Variants in MARCHF1 observed in about 807,000 individuals in gnomAD.
The protein encoded by MARCHF1 is membrane associated ring-CH-type finger 1, also known as E3 ubiquitin-protein ligase MARCHF1.
Under a neutral mutation model 54.2 loss-of-function variants are expected in MARCHF1, and 40 were observed. The observed-to-expected ratio is 0.74, with a 90% CI of 0.57 to 0.96. MARCHF1 has a LOEUF of 0.96. MARCHF1 is among the 40% of genes least tolerant of loss of function. The pLI is 0.00. For synonymous variants in MARCHF1, 236 were observed against 236.3 expected (o/e 1.00, Z 0.01); for missense variants, 586 against 656.5 (o/e 0.89, Z 1.17).
At chr4:163,636,937 C>T (rs1195817566) in intron 5 of MARCHF1, among the ~76,000 whole-genome samples, 27 of 152,216 alleles carry the variant, frequency 1.8e-4, no homozygotes, top group Admixed American at 9.2e-4. Context: ...TCAGAAATAA[C>T]GCTGCATATC....
intron 4 of MARCHF1, among the ~76,000 whole-genome samples, chr4:163,818,395 A>T (rs184570208): frequency 6.6e-6 from 1 of 152,024 alleles, no homozygotes; most frequent in Non-Finnish European, 1.5e-5. Flanking sequence ...CATTAATAAG[A>T]TTCTGTGCCT....
chr4:163,545,662 C>A lies in MARCHF1; in HGVS notation c.1273G>T (p.Val425Leu). 6.2e-7 allele frequency: 1 copy of A among 1,614,110 alleles called. No individual in the cohort carries two copies. Among genetic ancestry groups the A allele is most frequent in the Non-Finnish European group, 8.5e-7 (1 of 1,179,972 alleles). ...ATCAATACATACAAAGACCAAACCA[C>A]ACAGGTGATCGCGATTACGTGGAAT... ...VTFHVIAITC[V>L]VWSLYVLIDR... Residue 425 changes from valine to leucine, a missense_variant, in exon 9 of 10, where the codon GTG (valine) becomes TTG (leucine). Val to Leu is a conservative substitution (Grantham distance 32). Transcript: ENST00000514618.
rs140427424 is a variant in MARCHF1 at position 164,201,697 on chromosome 4, G to A, written c.-322-90035C>T. On this transcript the variant is annotated intron_variant, in intron 1 of 9. Transcript: ENST00000514618. ...AAAGAGATAATTAAGAATAACATAC[G>A]GGTACTTGGTTTGAGCAGCTAGAGG... Among the ~76,000 whole-genome samples the A allele has an allele frequency of 8.5e-5, 13 of 152,228 alleles. No homozygotes were observed. The East Asian group carries it at 9.7e-4, about 11-fold the overall frequency.
chr4:163,622,569 A>G (rs529141453), intron 5 of MARCHF1, among the ~76,000 whole-genome samples: 1 of 152,224 alleles, frequency 6.6e-6, no homozygotes, highest in African/African-American at 2.4e-5. Context: ...TTACCACACT[A>G]CCCACTGAGG....
chr4:163,875,251 A>T (rs1348836781), intron 3 of MARCHF1, among the ~76,000 whole-genome samples: 1 of 152,040 alleles, frequency 6.6e-6, no homozygotes, highest in East Asian at 1.9e-4. Context: ...TCTTCCCTTA[A>T]GTGTGTTCAG....
At chr4:163,827,071 C>A (rs1748872788) in intron 4 of MARCHF1, among the ~76,000 whole-genome samples, 1 of 119,770 alleles carries the variant, frequency 8.3e-6, no homozygotes, top group Non-Finnish European at 1.8e-5. Context: ...CATATACCAG[C>A]AGTTTCCTTT....
Position 163,670,711 on chromosome 4 carries a change from T to C in MARCHF1, c.162+30102A>G, listed in dbSNP as rs1459650074. Among the ~76,000 whole-genome samples, 3 of 152,206 alleles carry C rather than the reference T, an allele frequency of 2.0e-5. No homozygotes were observed. In the East Asian group the frequency reaches 5.8e-4, roughly 29 times the overall value. On this transcript the variant is annotated intron_variant, in intron 5 of 9. Coordinates refer to ENST00000514618, the MANE Select transcript of MARCHF1 (RefSeq NM_001394959.1). ...GGATATGGAATCATTTTCTAAAAGA[T>C]TATTCACTAATTCAATGTATATTTA... is the stretch of plus-strand genomic sequence containing the variant.
At position 163,860,126 on chromosome 4, in the gene MARCHF1, C is replaced by A. The variant is rs116630451; in HGVS notation, c.-38-5957G>T. ...TGAAGTTGCAGAACAAACCACTACC[C>A]CAAAAATATGGAGAGAGGAAAATAT... On this transcript the variant is annotated intron_variant, in intron 3 of 9. Coordinates refer to ENST00000514618, the MANE Select transcript of MARCHF1 (RefSeq NM_001394959.1). 8.3e-3 allele frequency among the ~76,000 whole-genome samples: 1,265 copies of A among 152,082 alleles called. 10 individuals are homozygous for A. The highest frequency in any genetic ancestry group is 0.019 in the East Asian group (98 of 5,176).
chr4:164,336,831 C>T (rs1729754482), intron 1 of MARCHF1, among the ~76,000 whole-genome samples: 1 of 152,142 alleles, frequency 6.6e-6, no homozygotes, highest in Non-Finnish European at 1.5e-5. Flanking sequence ...CCTTTCTCTC[C>T]TACAAGTTAG....
intron 1 of MARCHF1, among the ~76,000 whole-genome samples, chr4:164,117,716 G>A (rs1291478729): frequency 6.6e-6 from 1 of 151,884 alleles, no homozygotes; most frequent in African/African-American, 2.4e-5. Flanking sequence ...CCTGGCCAAT[G>A]TGGAGAAACT....
At chr4:164,093,432 G>T (rs1184323362) in intron 2 of MARCHF1, among the ~76,000 whole-genome samples, 4 of 152,082 alleles carry the variant, frequency 2.6e-5, no homozygotes, top group Admixed American at 2.0e-4. Context: ...TGGACAGAAG[G>T]TTGCAAATAG....
intron 1 of MARCHF1, among the ~76,000 whole-genome samples, chr4:164,304,995 A>T (rs1579705336): frequency 6.6e-6 from 1 of 152,320 alleles, no homozygotes; most frequent in East Asian, 1.9e-4. Flanking sequence ...TAAATTCATG[A>T]GCAAGGCATA....
intron 1 of MARCHF1, among the ~76,000 whole-genome samples, chr4:164,205,428 T>G (rs886232440): frequency 2.0e-5 from 3 of 152,176 alleles, no homozygotes; most frequent in African/African-American, 7.2e-5. Flanking sequence ...GCTTGAACTC[T>G]GGAAACTCCA....
intron 5 of MARCHF1, among the ~76,000 whole-genome samples, chr4:163,634,359 G>A (rs1036299145): frequency 1.1e-4 from 17 of 150,208 alleles, no homozygotes; most frequent in Admixed American, 5.3e-4. Context: ...CCCATCTCAT[G>A]TGCAGAGACA....
intron 4 of MARCHF1, among the ~76,000 whole-genome samples, chr4:163,831,472 TC>T (rs137897130): frequency 0.029 from 4,399 of 152,210 alleles, 76 homozygotes; most frequent in East Asian, 0.073. Context: ...GTGCCTGTAG[TC>T]CCAGCTCCTC....
chr4:164,199,503 T>A (rs1348315964), intron 1 of MARCHF1, among the ~76,000 whole-genome samples: 1 of 151,852 alleles, frequency 6.6e-6, no homozygotes, highest in Non-Finnish European at 1.5e-5. Flanking sequence ...GTTAGCCAGC[T>A]GTTGTAGAGC....
At chr4:163,634,509 C>T (rs1036330878) in intron 5 of MARCHF1, among the ~76,000 whole-genome samples, 7 of 149,610 alleles carry the variant, frequency 4.7e-5, no homozygotes, top group African/African-American at 1.7e-4. Context: ...AAGGCCACTA[C>T]ATAATGGTAA....
intron 5 of MARCHF1, among the ~76,000 whole-genome samples, chr4:163,640,197 T>A (rs1330780807): frequency 6.6e-6 from 1 of 152,280 alleles, no homozygotes; most frequent in African/African-American, 2.4e-5. Context: ...GCTAGCTTAA[T>A]TCAGCAATCA....
chr4:163,664,388 A>G (rs1268891548), intron 5 of MARCHF1, among the ~76,000 whole-genome samples: 1 of 152,148 alleles, frequency 6.6e-6, no homozygotes, highest in Admixed American at 6.6e-5. Flanking sequence ...TTCAAAAAAA[A>G]TTCTAAGGCA....
Sources: allele counts gnomAD v4.1 joint callset (sites outside exome capture counted in the v4.1 genomes callset), GRCh38; gene constraint gnomAD v4.1.1; transcripts MANE v1.5; gene names NCBI Gene and HGNC (gene_info 2026-07-23, HGNC 2026-07-21).